MNS1: variants seen among roughly 807,000 people sequenced by gnomAD.
MNS1 encodes the protein meiosis-specific nuclear structural protein 1.
A neutral mutation model predicts 72.0 loss-of-function variants in MNS1; 63 were observed. That is an observed-to-expected ratio of 0.87 (90% CI 0.71 to 1.08). The LOEUF (loss-of-function observed/expected upper bound fraction) is 1.08, where lower values mean the gene tolerates loss of function less well. Ranked by LOEUF, MNS1 falls within the 50% of genes least tolerant of loss-of-function variation. The pLI is 0.00. For missense variants in MNS1, 604 were observed against 562.4 expected, an observed-to-expected ratio of 1.07 and a Z score of -0.75; for synonymous variants, 188 against 172.1, an observed-to-expected ratio of 1.09 and a Z score of -0.72.
intron 3 of MNS1, among the ~76,000 whole-genome samples, chr15:56,454,324 T>C (rs1427330327): frequency 6.6e-6 from 1 of 151,988 alleles, no homozygotes; most frequent in Non-Finnish European, 1.5e-5. Flanking sequence ...GGGGTATCCA[T>C]CCCCTCAAGC....
chr15:56,446,679 ATCACGCAGGATTTTC>A (rs2050906484), intron 4 of MNS1, among the ~76,000 whole-genome samples, 147 bp downstream of exon 4: 1 of 152,050 alleles, frequency 6.6e-6, no homozygotes, highest in Non-Finnish European at 1.5e-5. Flanking sequence ...TAAAAATGAA[ATCACGCAGGATTTTC>A]TACATCTTAA....
chr15:56,455,247 GAAAAAAAAAAA>G (rs56339584), intron 3 of MNS1, among the ~76,000 whole-genome samples: 1 of 82,894 alleles, frequency 1.2e-5, no homozygotes, highest in South Asian at 4.3e-4. Flanking sequence ...ATCGTCAGGT[GAAAAAAAAAAA>G]AAAAAAAAAA....
In MNS1 at chr15:56,458,475, C is replaced by T. The variant is rs1166051025; in HGVS notation, c.226-1954G>A. On this transcript the variant is annotated intron_variant, in intron 2 of 9. Transcript: ENST00000260453. ...TACTTAAACCTATGCATCATTATCA[C>T]GCAAAGTCCATAGTTTACATTAAGG... Among the ~76,000 whole-genome samples the T allele has an allele frequency of 5.3e-5, 8 of 152,046 alleles. No individual in the cohort carries two copies. In the South Asian group the frequency reaches 8.3e-4, roughly 16 times the overall value.
In MNS1 at chr15:56,431,458, T is replaced by G. The variant is rs771575913; in HGVS notation, c.1310A>C (p.Gln437Pro). ...LEEWQLQQRR[Q>P]GFINAIIEEE... is the part of the protein sequence containing the mutation. Reference sequence around the variant, plus strand: ...TTCAATAATTGCATTAATAAATCCTTGCCGCCTTTGCTGCAACTGCCACTC... The same window carrying G: ...TTCAATAATTGCATTAATAAATCCTGGCCGCCTTTGCTGCAACTGCCACTC... Residue 437 changes from glutamine (Q) to proline (P), a missense_variant, in exon 9 of 10, where the codon CAA (glutamine) becomes CCA (proline). By Grantham distance (76) the Gln-to-Pro change is moderately conservative. Transcript: ENST00000260453. 1.2e-6 allele frequency: 2 copies of G among 1,613,662 alleles called. No homozygotes were observed. The highest frequency in any genetic ancestry group is 1.7e-6 in the Non-Finnish European group (2 of 1,179,874).
In MNS1 at chr15:56,443,665, C is replaced by T; in HGVS notation, c.876G>A (p.Glu292=). 6.2e-7 allele frequency: 1 copy of T among 1,613,110 alleles called. No homozygotes were observed. The highest frequency in any genetic ancestry group is 8.5e-7 in the Non-Finnish European group (1 of 1,179,566). ...EDRMAKVQEN[E]EKRLQLQNAL... ...CATTCTGAAGCTGTAGCCTTTTCTC[C>T]TCATTTTCTTGAACTTTTGCCATCC... Residue 292 remains glutamate, a synonymous_variant, in exon 6 of 10, where the codon GAG becomes GAA. Coordinates refer to ENST00000260453, the MANE Select transcript of MNS1 (RefSeq NM_018365.4).
intron 8 of MNS1, among the ~76,000 whole-genome samples, chr15:56,433,433 A>ATAAT (rs1158342727): frequency 6.6e-6 from 1 of 152,260 alleles, no homozygotes; most frequent in Admixed American, 6.5e-5. Flanking sequence ...TATTAAAAAA[A>ATAAT]TAATTAAAAA....
intron 2 of MNS1, among the ~76,000 whole-genome samples, chr15:56,458,735 C>G (rs1428561658): frequency 6.6e-6 from 1 of 152,150 alleles, no homozygotes; most frequent in African/African-American, 2.4e-5. Context: ...GCTTCTTTCA[C>G]TTAGTAATAT....
intron 3 of MNS1, among the ~76,000 whole-genome samples, chr15:56,447,915 T>A (rs2050919831): frequency 6.6e-6 from 1 of 152,230 alleles, no homozygotes; most frequent in Admixed American, 6.5e-5. Context: ...AGGTACCATT[T>A]TTCTCTGGCT....
chr15:56,444,750 T>A (rs2050878954), intron 4 of MNS1, 77 bp from the exon 5 acceptor site: 1 of 1,192,322 alleles, frequency 8.4e-7, no homozygotes, highest in Non-Finnish European at 1.2e-6. Context: ...ACCAATGTTA[T>A]TGAATATTAT....
intron 3 of MNS1, among the ~76,000 whole-genome samples, chr15:56,452,678 C>G (rs2140371783): frequency 6.6e-6 from 1 of 151,928 alleles, no homozygotes; most frequent in African/African-American, 2.4e-5. Context: ...GCCACCAGGC[C>G]CGGCTAATTT....
chr15:56,464,712 A>G (rs1301559464), intron 1 of MNS1, among the ~76,000 whole-genome samples: 1 of 152,154 alleles, frequency 6.6e-6, no homozygotes, highest in Non-Finnish European at 1.5e-5. Context: ...CTACACTTTT[A>G]TATCTACTTA....
intron 7 of MNS1, among the ~76,000 whole-genome samples, chr15:56,441,600 GTTATC>G: frequency 1.3e-5 from 2 of 152,128 alleles, no homozygotes; most frequent in African/African-American, 4.8e-5. Context: ...AGGAAATGAA[GTTATC>G]AACAGAATAA....
chr15:56,441,470 T>C (rs1381451927), intron 7 of MNS1, among the ~76,000 whole-genome samples: 3 of 152,178 alleles, frequency 2.0e-5, no homozygotes, highest in Admixed American at 6.5e-5. Context: ...GAACTGTGCA[T>C]TGAAATACCA....
At chr15:56,456,959 T>C (rs1430048472) in intron 2 of MNS1, among the ~76,000 whole-genome samples, 6 of 152,208 alleles carry the variant, frequency 3.9e-5, no homozygotes, top group African/African-American at 1.4e-4. Flanking sequence ...TCAACACGTC[T>C]AATTAACAAT....
chr15:56,459,422 G>A (rs1027948656), intron 2 of MNS1, among the ~76,000 whole-genome samples: 3 of 152,034 alleles, frequency 2.0e-5, no homozygotes, highest in South Asian at 2.1e-4. Flanking sequence ...ATAGACACTC[G>A]TGTATGAGTT....
chr15:56,456,373 A>C lies in MNS1; in HGVS notation c.353+21T>G, dbSNP rs768344120. On this transcript the variant is annotated intron_variant, in intron 3 of 9. Coordinates refer to ENST00000260453, the MANE Select transcript of MNS1 (RefSeq NM_018365.4). Reference sequence around the variant, plus strand: ...TTAAAGATAAAGACTAAATAAATGAAATTTAGAGAAACCAAGATACCTGTT... The same window carrying C: ...TTAAAGATAAAGACTAAATAAATGACATTTAGAGAAACCAAGATACCTGTT... The C allele has an allele frequency of 3.1e-6, 5 of 1,590,150 alleles. No individual in the cohort carries two copies. In the African/African-American group the frequency reaches 6.8e-5, roughly 22 times the overall value.
intron 7 of MNS1, among the ~76,000 whole-genome samples, chr15:56,439,508 G>A (rs1434945405): frequency 6.6e-6 from 1 of 152,020 alleles, no homozygotes; most frequent in East Asian, 1.9e-4. Flanking sequence ...AGTATTGGTG[G>A]AGGGATGGAT....
chr15:56,464,371 G>T, intron 1 of MNS1, 124 bp from the exon 2 acceptor site: 2 of 688,898 alleles, frequency 2.9e-6, no homozygotes, highest in Non-Finnish European at 4.9e-6. Context: ...TAAATTCAAA[G>T]GAGTATACCG....
chr15:56,459,481 C>T (rs934389192), intron 2 of MNS1, among the ~76,000 whole-genome samples: 4 of 152,066 alleles, frequency 2.6e-5, no homozygotes, highest in African/African-American at 7.2e-5. Flanking sequence ...ATATTTAGTA[C>T]CCAGCTACAC....
Sources: gnomAD v4.1 joint callset for allele counts (sites outside exome capture counted in the v4.1 genomes callset) on GRCh38, gnomAD v4.1.1 for gene constraint, MANE v1.5 for transcripts, NCBI Gene and HGNC (gene_info 2026-07-23, HGNC 2026-07-21) for gene names.